LINC00632: variants seen among roughly 807,000 people sequenced by gnomAD.
LINC00632 encodes the protein long independently transcribed non-coding RNA 632, also known as ALDOA related specific transcript.
exon 5 of LINC00632, among the ~76,000 whole-genome samples, chrX:140,776,083 G>A (rs908291563): frequency 1.8e-5 from 2 of 111,808 alleles, no homozygotes; most frequent in Non-Finnish European, 3.8e-5. Context: ...AAATTTACAA[G>A]AAAAAACAAC....
At chrX:140,787,554 G>T (rs561482012) in exon 5 of LINC00632, among the ~76,000 whole-genome samples, 5 of 111,116 alleles carry the variant, frequency 4.5e-5, no homozygotes, top group African/African-American at 1.3e-4. Flanking sequence ...ATGTGTTTGG[G>T]TATTACTTAG....
chrX:140,771,663 G>T (rs1931797366), intron 3 of LINC00632, among the ~76,000 whole-genome samples: 1 of 50,968 alleles, frequency 2.0e-5, no homozygotes, highest in Non-Finnish European at 3.4e-5. Flanking sequence ...ATGTGTGTGT[G>T]TGTATATATA....
intron 3 of LINC00632, among the ~76,000 whole-genome samples, chrX:140,746,867 T>C (rs1931333657): frequency 8.9e-6 from 1 of 111,803 alleles, no homozygotes; most frequent in African/African-American, 3.3e-5. Flanking sequence ...TTCTAACTCC[T>C]TTCCTGAGAC....
At chrX:140,783,475 T>C (rs1931963258) in exon 5 of LINC00632, 2 of 819,823 alleles carry the variant, frequency 2.4e-6, no homozygotes, top group Non-Finnish European at 3.5e-6. Flanking sequence ...TTTCAAGGTC[T>C]TCCATCAAAT....
intron 3 of LINC00632, among the ~76,000 whole-genome samples, chrX:140,742,113 T>C (rs146968000): frequency 8.9e-5 from 10 of 111,749 alleles, no homozygotes; most frequent in Non-Finnish European, 1.5e-4. Flanking sequence ...AATCTATCTT[T>C]ACAGTAAATA....
At chrX:140,791,006 TTGGTAAA>T (rs2148408486) in exon 5 of LINC00632, among the ~76,000 whole-genome samples, 1 of 111,574 alleles carries the variant, frequency 9.0e-6, no homozygotes, top group East Asian at 2.8e-4. Context: ...TTTTAGCACA[TTGGTAAA>T]GACTTTATAA....
exon 5 of LINC00632, among the ~76,000 whole-genome samples, chrX:140,780,195 GATT>G (rs1376198716): frequency 2.7e-5 from 3 of 111,431 alleles, no homozygotes; most frequent in Non-Finnish European, 1.9e-5. Flanking sequence ...AAATTGTTGT[GATT>G]ATTATTATTA....
rs377240479 is a variant in LINC00632 at position 140,747,384 on chromosome X, C to T, written n.191+13420C>T. Among the ~76,000 whole-genome samples the T allele has an allele frequency of 1.9e-3, 207 of 109,824 alleles. 1 individual carries two copies. Among genetic ancestry groups the T allele is most frequent in the African/African-American group, 6.4e-3 (194 of 30,219 alleles). ...CTCTACTAAAAATACAAAAATTAGCCGGGCATGGTGGCTGGAGAGCCTGTA... is the reference window on the plus strand; with the variant it reads ...CTCTACTAAAAATACAAAAATTAGCTGGGCATGGTGGCTGGAGAGCCTGTA... On this transcript the variant is annotated intron_variant and non_coding_transcript_variant, in intron 3 of 4. Coordinates refer to ENST00000648200, the Ensembl canonical transcript of LINC00632.
At chrX:140,768,803 G>A (rs1322106217) in intron 3 of LINC00632, among the ~76,000 whole-genome samples, 1 of 100,016 alleles carries the variant, frequency 1.0e-5, no homozygotes, top group Non-Finnish European at 2.0e-5. Flanking sequence ...ATAGATTAGT[G>A]TATAAGTATA....
exon 4 of LINC00632, among the ~76,000 whole-genome samples, chrX:140,773,873 T>C (rs1291871637): frequency 1.8e-5 from 2 of 112,181 alleles, no homozygotes; most frequent in East Asian, 5.6e-4. Flanking sequence ...ACCAGAACTT[T>C]ACCATGAAAG....
chrX:140,767,961 C>T (rs1931720693), intron 3 of LINC00632, among the ~76,000 whole-genome samples: 1 of 111,743 alleles, frequency 8.9e-6, no homozygotes, highest in Non-Finnish European at 1.9e-5. Flanking sequence ...GATCTCACCT[C>T]TTAATACTGT....
intron 2 of LINC00632, among the ~76,000 whole-genome samples, chrX:140,724,796 C>G (rs1246604264): frequency 2.4e-5 from 1 of 41,416 alleles, no homozygotes; most frequent in Non-Finnish European, 4.8e-5. Flanking sequence ...TCATTCCATA[C>G]ACACAGAGAC....
At chrX:140,737,590 A>G (rs1198676968) in intron 3 of LINC00632, among the ~76,000 whole-genome samples, 2 of 111,720 alleles carry the variant, frequency 1.8e-5, no homozygotes, top group Non-Finnish European at 3.8e-5. Flanking sequence ...GTTCGTATCA[A>G]TTAATAAGCC....
chrX:140,726,204 A>G (rs979503050), intron 2 of LINC00632, among the ~76,000 whole-genome samples: 1 of 111,274 alleles, frequency 9.0e-6, no homozygotes, highest in African/African-American at 3.3e-5. Flanking sequence ...CGTACCTTAT[A>G]TCATACACAT....
At chrX:140,720,823 C>G (rs1423508324) in intron 2 of LINC00632, among the ~76,000 whole-genome samples, 2 of 111,633 alleles carry the variant, frequency 1.8e-5, no homozygotes, top group Non-Finnish European at 3.8e-5. Flanking sequence ...TTCATAACAC[C>G]AACGCTTAGC....
At chrX:140,751,627 G>T (rs1353450969) in intron 3 of LINC00632, among the ~76,000 whole-genome samples, 1 of 111,205 alleles carries the variant, frequency 9.0e-6, no homozygotes, top group Non-Finnish European at 1.9e-5. Flanking sequence ...GTCAATGCAG[G>T]GTATTAAGGG....
chrX:140,751,453 C>T (rs768425685), intron 3 of LINC00632, among the ~76,000 whole-genome samples: 6 of 110,781 alleles, frequency 5.4e-5, no homozygotes, highest in Non-Finnish European at 7.5e-5. Flanking sequence ...GAAATAATCA[C>T]CGTGAGACCA....
intron 2 of LINC00632, among the ~76,000 whole-genome samples, chrX:140,722,364 T>TAAA (rs78229215): frequency 6.4e-5 from 6 of 93,489 alleles, no homozygotes; most frequent in African/African-American, 7.8e-5. Context: ...CACCTGCAGT[T>TAAA]AAAAAAAAAA....
exon 5 of LINC00632, among the ~76,000 whole-genome samples, chrX:140,775,019 T>A (rs1931854340): frequency 8.9e-6 from 1 of 111,924 alleles, no homozygotes; most frequent in East Asian, 2.8e-4. Flanking sequence ...TTTCCAGCAA[T>A]TGTATATGTT....
Sources: gnomAD v4.1 joint callset for allele counts (sites outside exome capture counted in the v4.1 genomes callset) on GRCh38, gnomAD v4.1.1 for gene constraint, MANE v1.5 for transcripts, NCBI Gene and HGNC (gene_info 2026-07-23, HGNC 2026-07-21) for gene names.